Variants in EPCAM observed in about 807,000 individuals in gnomAD.
EPCAM encodes the protein adenocarcinoma-associated antigen.
Under a neutral mutation model 40.0 loss-of-function variants are expected in EPCAM, and 39 were observed. The ratio of observed to expected loss-of-function variants is 0.98; its 90% confidence interval spans 0.76 to 1.27. The LOEUF is 1.27. Among genes scored for constraint, EPCAM ranks in the 50% most tolerant of loss-of-function variants. The pLI is 0.00. For missense variants in EPCAM, 503 were observed against 381.2 expected (o/e 1.32, Z -2.66); for synonymous variants, 168 against 132.3 (o/e 1.27, Z -1.85).
At position 47,385,091 on chromosome 2, in the gene EPCAM, A is replaced by G; in HGVS notation, c.859-75A>G. 4 of 1,087,948 alleles carry G rather than the reference A, an allele frequency of 3.7e-6. No individual in the cohort carries two copies. In the Admixed American group the frequency reaches 5.1e-5, roughly 14 times the overall value. 67.4% of individuals were successfully genotyped at this position (1,087,948 alleles called of 1,614,324 possible). ...TTCAGATCAAAATTATGTCCATTAA[A>G]AGCATATATGTCTGTTTAGATAATC... On this transcript the variant is annotated intron_variant, in intron 7 of 8. Coordinates refer to ENST00000263735, the MANE Select transcript of EPCAM (RefSeq NM_002354.3).
intron 1 of EPCAM, among the ~76,000 whole-genome samples, chr2:47,372,022 C>A (rs937879288): frequency 3.9e-5 from 6 of 151,992 alleles, no homozygotes. Context: ...GATAGTCTTG[C>A]CTATTCGAAG....
intron 5 of EPCAM, among the ~76,000 whole-genome samples, chr2:47,378,545 G>C (rs531861074): frequency 1.3e-3 from 194 of 151,956 alleles, no homozygotes; most frequent in African/African-American, 4.6e-3. Context: ...CAGGTGATCC[G>C]CCCACCTCAG....
At chr2:47,375,093 G>GAT in intron 3 of EPCAM, 141 bp from the exon 4 acceptor site, 1 of 652,248 alleles carries the variant, frequency 1.5e-6, no homozygotes, top group South Asian at 1.7e-5. Flanking sequence ...GATGTGTAAG[G>GAT]GAAGAAATTA....
chr2:47,372,828 A>T (rs184191571), intron 1 of EPCAM, among the ~76,000 whole-genome samples: 3 of 152,100 alleles, frequency 2.0e-5, no homozygotes, highest in Non-Finnish European at 2.9e-5. Context: ...GCAGGACAGG[A>T]CTGTGGAAGG....
chr2:47,372,125 T>C (rs1671286514), intron 1 of EPCAM, among the ~76,000 whole-genome samples: 1 of 152,130 alleles, frequency 6.6e-6, no homozygotes, highest in Non-Finnish European at 1.5e-5. Flanking sequence ...CCTTATCAGG[T>C]ACTAGGATTT....
At chr2:47,380,283 C>G (rs955230595) in intron 7 of EPCAM, among the ~76,000 whole-genome samples, 16 of 152,102 alleles carry the variant, frequency 1.1e-4, no homozygotes, top group African/African-American at 3.9e-4. Flanking sequence ...CACCACTGCA[C>G]TCCAGCCTGG....
intron 5 of EPCAM, chr2:47,377,701 T>G (rs1002344655): frequency 2.5e-6 from 1 of 402,100 alleles, no homozygotes. Flanking sequence ...AAAGTAAATA[T>G]GCACCAAAAT....
intron 3 of EPCAM, 72 bp downstream of exon 3, chr2:47,374,120 T>G: frequency 2.0e-6 from 3 of 1,528,854 alleles, no homozygotes; most frequent in Non-Finnish European, 2.7e-6. Flanking sequence ...TTTTTGATTA[T>G]GTAATATGAT....
rs920862989 is a variant in EPCAM, at chr2:47,377,028, A to C, written c.506A>C (p.Glu169Ala). ...ATTCTTTACAGTGCACTTCAGAAGG[A>C]GATCACAACGCGTTATCAACTGGAT... Reference protein sequence around the residue: ...SKSLRTALQKEITTRYQLDPK... With the variant: ...SKSLRTALQKAITTRYQLDPK... Residue 169 changes from glutamate to alanine, a missense_variant, in exon 5 of 9, where the codon GAG (glutamate) becomes GCG (alanine). Transcript: ENST00000263735. The C allele has an allele frequency of 6.2e-7, 1 of 1,609,154 alleles. No homozygotes were observed. Among genetic ancestry groups the C allele is most frequent in the African/African-American group, 1.3e-5 (1 of 74,834 alleles).
chr2:47,377,905 T>G (rs919155211), intron 5 of EPCAM: 2 of 309,412 alleles, frequency 6.5e-6, no homozygotes, highest in Non-Finnish European at 1.3e-5. Flanking sequence ...TATTCAAGAG[T>G]CTTTAGAAAG....
At chr2:47,371,481 C>T (rs1458181362) in intron 1 of EPCAM, among the ~76,000 whole-genome samples, 2 of 152,190 alleles carry the variant, frequency 1.3e-5, no homozygotes, top group Non-Finnish European at 2.9e-5. Context: ...TGCCAAAGGT[C>T]TCTGGAAGGG....
chr2:47,378,777 C>T (rs1391159927), intron 5 of EPCAM, among the ~76,000 whole-genome samples, 176 bp from the exon 6 acceptor site: 2 of 152,050 alleles, frequency 1.3e-5, no homozygotes, highest in Non-Finnish European at 2.9e-5. Context: ...ATTTAGAGAC[C>T]TCCCAAAGAT....
Position 47,373,942 on chromosome 2 carries a change from GC to G in EPCAM, c.321del (p.Lys108SerfsTer12). ...PDCDESGLFK[A>X]KQCNGTSMCW... Reference sequence around the variant, plus strand: ...CTGCGATGAGAGCGGGCTCTTTAAGGCCAAGCAGTGCAACGGCACCTCCATG... The same window carrying G: ...CTGCGATGAGAGCGGGCTCTTTAAGGCAAGCAGTGCAACGGCACCTCCATG... On this transcript the variant is annotated frameshift_variant, in exon 3 of 9. Coordinates refer to ENST00000263735, the MANE Select transcript of EPCAM (RefSeq NM_002354.3). LOFTEE classifies it high-confidence loss of function. The G allele has an allele frequency of 6.2e-7, 1 of 1,614,062 alleles. No individual in the cohort carries two copies. Among genetic ancestry groups the G allele is most frequent in the Non-Finnish European group, 8.5e-7 (1 of 1,180,010 alleles).
At chr2:47,386,062 T>G (rs931244540) in intron 8 of EPCAM, among the ~76,000 whole-genome samples, 2 of 152,222 alleles carry the variant, frequency 1.3e-5, no homozygotes, top group Non-Finnish European at 2.9e-5. Context: ...ATAGATAGTA[T>G]GGACCTGTTG....
At chr2:47,378,929 GTA>G in intron 5 of EPCAM, 22 bp from the exon 6 acceptor site, 1 of 958,074 alleles carries the variant, frequency 1.0e-6, no homozygotes, top group Non-Finnish European at 1.7e-6. Context: ...GTATTAATTT[GTA>G]TTATTCAATT....
rs774612879 is a variant in EPCAM, at chr2:47,369,815, G to A, written c.76+234G>A. On this transcript the variant is annotated intron_variant, in intron 1 of 8. Coordinates refer to ENST00000263735, the MANE Select transcript of EPCAM (RefSeq NM_002354.3). Reference sequence around the variant, plus strand: ...TCGCAGCTTTGCTCGCCTTGGTAGGGAAATGGCCTTGGGCGGAGGCGGGGG... The same window carrying A: ...TCGCAGCTTTGCTCGCCTTGGTAGGAAAATGGCCTTGGGCGGAGGCGGGGG... 58 of 666,388 alleles carry A rather than the reference G, an allele frequency of 8.7e-5. No homozygotes were observed. The Admixed American group carries it at 1.2e-3, about 13-fold the overall frequency. 41.3% of individuals were successfully genotyped at this position (666,388 alleles called of 1,614,324 possible).
intron 7 of EPCAM, among the ~76,000 whole-genome samples, chr2:47,384,516 T>A (rs1255923671): frequency 7.0e-6 from 1 of 143,358 alleles, no homozygotes; most frequent in Non-Finnish European, 1.5e-5. Flanking sequence ...CGGGTTCAAG[T>A]GATTTTCCTG....
chr2:47,380,020 AAAGT>A, intron 7 of EPCAM, 51 bp downstream of exon 7: 1 of 1,560,088 alleles, frequency 6.4e-7, no homozygotes, highest in Non-Finnish European at 8.7e-7. Context: ...TTTTCAAGAA[AAAGT>A]AATAGTGGCT....
chr2:47,375,295 C>A lies in EPCAM; in HGVS notation c.487C>A (p.Arg163=), dbSNP rs148725106. The change falls in exon 4 of 9, where the codon CGG becomes AGG. Residue 163 remains arginine (R), a synonymous_variant. Coordinates refer to ENST00000263735, the MANE Select transcript of EPCAM (RefSeq NM_002354.3). ...AAAACCTTATGATAGTAAAAGTTTG[C>A]GGACGTAAGTGCAATTAAATGCATC... ...REKPYDSKSL[R]TALQKEITTR... is the part of the protein sequence containing the mutation. 1.2e-6 allele frequency: 2 copies of A among 1,605,420 alleles called. No individual in the cohort carries two copies. Among genetic ancestry groups the A allele is most frequent in the Non-Finnish European group, 1.7e-6 (2 of 1,172,318 alleles).
Sources: gnomAD v4.1 joint callset for allele counts (sites outside exome capture counted in the v4.1 genomes callset) on GRCh38, gnomAD v4.1.1 for gene constraint, MANE v1.5 for transcripts, NCBI Gene and HGNC (gene_info 2026-07-23, HGNC 2026-07-21) for gene names.